The following CCDC102B variants were observed in gnomAD, a reference collection of about 807,000 sequenced individuals.
The protein encoded by CCDC102B is coiled-coil domain containing 102B.
CCDC102B carries 75 observed loss-of-function variants against 57.4 expected under a neutral mutation model. That is an observed-to-expected ratio of 1.31 (90% CI 1.08 to 1.58). CCDC102B has a LOEUF of 1.58. CCDC102B is among the 40% of genes most tolerant of loss of function. The probability of loss-of-function intolerance (pLI) is 0.00; values close to 1 mark genes in which losing one functional copy is unlikely to be tolerated. For synonymous variants in CCDC102B, 206 were observed against 201.9 expected (o/e 1.02, Z -0.17); for missense variants, 636 against 582.6 (o/e 1.09, Z -0.94).
chr18:69,050,153 T>C (rs2052668760), intron 7 of CCDC102B, among the ~76,000 whole-genome samples: 1 of 150,604 alleles, frequency 6.6e-6, no homozygotes, highest in Non-Finnish European at 1.5e-5. Context: ...ATGAGCCAAG[T>C]GTTGAAGGAG....
chr18:68,910,384 C>T (rs1010161722), intron 6 of CCDC102B, among the ~76,000 whole-genome samples: 2 of 152,158 alleles, frequency 1.3e-5, no homozygotes, highest in African/African-American at 2.4e-5. Flanking sequence ...TTAGATAGTA[C>T]AGCAGAATTG....
chr18:68,874,948 AATGACATTGGCCCATAACTAG>A, intron 5 of CCDC102B, 163 bp downstream of exon 5: 1 of 496,298 alleles, frequency 2.0e-6, no homozygotes, highest in South Asian at 3.2e-5. Context: ...AAGGCTGTGG[AATGACATTGGCCCATAACTAG>A]ATCTGAACTA....
At chr18:68,725,759 C>T (rs1420068315) in intron 2 of CCDC102B, among the ~76,000 whole-genome samples, 6 of 152,176 alleles carry the variant, frequency 3.9e-5, no homozygotes, top group Non-Finnish European at 8.8e-5. Flanking sequence ...TTAATTTTAT[C>T]CGCAAAATCC....
chr18:68,772,912 A>G (rs2034688603), intron 2 of CCDC102B, among the ~76,000 whole-genome samples: 1 of 152,134 alleles, frequency 6.6e-6, no homozygotes, highest in African/African-American at 2.4e-5. Flanking sequence ...AACTATGAGA[A>G]GAGAGAGAAA....
chr18:68,978,840 TA>T (rs2050504152), intron 6 of CCDC102B, among the ~76,000 whole-genome samples: 1 of 152,038 alleles, frequency 6.6e-6, no homozygotes, highest in Non-Finnish European at 1.5e-5. Context: ...TAAACATTTA[TA>T]AACAAAAATG....
chr18:68,800,664 C>CT, intron 1 of CCDC102B, among the ~76,000 whole-genome samples: 2 of 151,444 alleles, frequency 1.3e-5, no homozygotes, highest in South Asian at 4.1e-4. Context: ...GATGTACTGA[C>CT]TTTCCTCTGT....
intron 7 of CCDC102B, among the ~76,000 whole-genome samples, chr18:69,042,401 G>A (rs1407583542): frequency 6.6e-6 from 1 of 151,970 alleles, no homozygotes; most frequent in African/African-American, 2.4e-5. Context: ...AGAAGATTTG[G>A]CAACAATATT....
intron 7 of CCDC102B, among the ~76,000 whole-genome samples, chr18:69,023,355 T>C (rs895982986): frequency 4.6e-5 from 7 of 152,154 alleles, no homozygotes; most frequent in African/African-American, 1.7e-4. Flanking sequence ...TCTCTTAAAA[T>C]ATAAAAAATT....
chr18:68,756,146 CAAT>C (rs1165145259), intron 2 of CCDC102B, among the ~76,000 whole-genome samples: 3 of 151,256 alleles, frequency 2.0e-5, no homozygotes, highest in African/African-American at 4.8e-5. Context: ...TATTTTGAAT[CAAT>C]AAGTTATTTC....
Position 68,953,355 on chromosome 18 carries a change from C to CTTTT in CCDC102B, c.1263+55943_1263+55946dup, listed in dbSNP as rs5825890. ...TCTTCACACTCTTGCCAATACTTGT[C>CTTTT]TTTTTTTTTTTTTTTTTTTGACAAC... On this transcript the variant is annotated intron_variant, in intron 6 of 7. Coordinates refer to ENST00000360242, the MANE Select transcript of CCDC102B (RefSeq NM_024781.3). Among the ~76,000 whole-genome samples, 132 of 125,496 alleles carry CTTTT rather than the reference C, an allele frequency of 1.1e-3. 1 individual carries two copies. Among genetic ancestry groups the CTTTT allele is most frequent in the Non-Finnish European group, 1.6e-3 (97 of 61,288 alleles). 82.3% of individuals were successfully genotyped at this position (125,496 alleles called of 152,430 possible).
At chr18:68,847,717 A>G (rs949903680) in intron 4 of CCDC102B, among the ~76,000 whole-genome samples, 1 of 151,816 alleles carries the variant, frequency 6.6e-6, no homozygotes, top group African/African-American at 2.4e-5. Context: ...TACATATATG[A>G]TGCTTTTGGT....
At chr18:68,750,423 C>T (rs1400679135) in intron 2 of CCDC102B, among the ~76,000 whole-genome samples, 1 of 152,160 alleles carries the variant, frequency 6.6e-6, no homozygotes, top group Admixed American at 6.5e-5. Flanking sequence ...TACGATTTGA[C>T]CCAGCCATCC....
chr18:68,789,140 G>C (rs1273037518), intron 2 of CCDC102B, among the ~76,000 whole-genome samples: 1 of 152,122 alleles, frequency 6.6e-6, no homozygotes, highest in African/African-American at 2.4e-5. Context: ...TTGTCTTTAA[G>C]AATGTTGAAT....
chr18:68,782,450 G>A (rs992725162), intron 2 of CCDC102B, among the ~76,000 whole-genome samples: 1 of 152,092 alleles, frequency 6.6e-6, no homozygotes. Context: ...CTATGTCTGT[G>A]TATAGGAAAG....
At chr18:68,865,779 G>C (rs948670830) in intron 4 of CCDC102B, among the ~76,000 whole-genome samples, 7 of 152,120 alleles carry the variant, frequency 4.6e-5, no homozygotes, top group Non-Finnish European at 8.8e-5. Flanking sequence ...GGCATTTCAG[G>C]TGGTTTCTAA....
chr18:68,846,479 T>G, intron 4 of CCDC102B, 58 bp downstream of exon 4: 1 of 1,150,698 alleles, frequency 8.7e-7, no homozygotes, highest in Non-Finnish European at 1.2e-6. Flanking sequence ...TTTCTTTGGA[T>G]ATGTAAGCAT....
At chr18:68,841,405 C>G (rs983332616) in intron 3 of CCDC102B, among the ~76,000 whole-genome samples, 12 of 152,058 alleles carry the variant, frequency 7.9e-5, no homozygotes, top group Admixed American at 6.5e-5. Flanking sequence ...AATAATTATC[C>G]AGTGTATAAA....
chr18:68,787,953 C>T (rs1338755691), intron 2 of CCDC102B, among the ~76,000 whole-genome samples: 1 of 150,890 alleles, frequency 6.6e-6, no homozygotes, highest in Non-Finnish European at 1.5e-5. Flanking sequence ...CCTGCTTTCT[C>T]TTGTGGGCAT....
chr18:68,866,238 G>A (rs1190781411), intron 4 of CCDC102B, among the ~76,000 whole-genome samples: 1 of 152,142 alleles, frequency 6.6e-6, no homozygotes, highest in African/African-American at 2.4e-5. Context: ...AGGGGTTATA[G>A]TAATAATAGA....
Sources: allele counts gnomAD v4.1 joint callset (sites outside exome capture counted in the v4.1 genomes callset), GRCh38; gene constraint gnomAD v4.1.1; transcripts MANE v1.5; gene names NCBI Gene and HGNC (gene_info 2026-07-23, HGNC 2026-07-21).